The following KAT6A variants were observed in gnomAD, a reference collection of about 807,000 sequenced individuals.
KAT6A encodes histone acetyltransferase KAT6A.
A neutral mutation model predicts 198.4 loss-of-function variants in KAT6A; 9 were observed. The observed-to-expected ratio is 0.05, with a 90% CI of 0.03 to 0.08. The LOEUF (loss-of-function observed/expected upper bound fraction) is 0.08. Among genes scored for constraint, KAT6A ranks in the 10% least tolerant of loss-of-function variants. The pLI is 1.00. For synonymous variants in KAT6A, 890 were observed against 883.0 expected (o/e 1.01, Z -0.14); for missense variants, 2,077 against 2,509.9 (o/e 0.83, Z 3.69).
At chr8:42,018,727 C>T (rs377449848) in intron 2 of KAT6A, among the ~76,000 whole-genome samples, 2 of 151,834 alleles carry the variant, frequency 1.3e-5, no homozygotes, top group African/African-American at 4.8e-5. Context: ...GTTCGAGACC[C>T]GCCTGGCCAA....
chr8:41,997,670 C>T (rs1404289660), intron 2 of KAT6A, among the ~76,000 whole-genome samples: 1 of 152,162 alleles, frequency 6.6e-6, no homozygotes, highest in African/African-American at 2.4e-5. Context: ...CCACCATAAG[C>T]TTCTCTCAAA....
chr8:41,964,603 T>A (rs1351363472), intron 8 of KAT6A, among the ~76,000 whole-genome samples: 2 of 136,778 alleles, frequency 1.5e-5, no homozygotes, highest in African/African-American at 5.5e-5. Context: ...CGGCTAAGCA[T>A]ATGATGCAAA....
intron 2 of KAT6A, among the ~76,000 whole-genome samples, chr8:42,015,901 TAG>T (rs1245874570): frequency 6.6e-6 from 1 of 152,192 alleles, no homozygotes; most frequent in Non-Finnish European, 1.5e-5. Flanking sequence ...ACTCTAGACA[TAG>T]ACTTTTCCAA....
intron 9 of KAT6A, among the ~76,000 whole-genome samples, chr8:41,953,666 G>A (rs1040793236): frequency 3.3e-5 from 5 of 152,070 alleles, no homozygotes; most frequent in African/African-American, 1.2e-4. Flanking sequence ...TAGAGACAGG[G>A]TTTCGCCATG....
At chr8:41,939,490 C>G (rs181067435) in intron 15 of KAT6A, among the ~76,000 whole-genome samples, 35 of 152,300 alleles carry the variant, frequency 2.3e-4, no homozygotes, top group Non-Finnish European at 3.8e-4. Flanking sequence ...CCCGCCTCAG[C>G]CTCCCAAGTA....
At position 42,046,535 on chromosome 8, in the gene KAT6A, A is replaced by C. The variant is rs146808187; in HGVS notation, c.600+1843T>G. ...GACAGAACGAGATTCTGTCTCAAAA[A>C]TAAATAAATAAAAGCAAACAGGTGG... On this transcript the variant is annotated intron_variant, in intron 2 of 16. Coordinates refer to ENST00000265713, the MANE Select transcript of KAT6A (RefSeq NM_006766.5). Among the ~76,000 whole-genome samples, 574 of 152,352 alleles carry C rather than the reference A, an allele frequency of 3.8e-3. 4 individuals carry two copies. Among genetic ancestry groups the C allele is most frequent in the African/African-American group, 0.013 (539 of 41,578 alleles).
At position 41,934,886 on chromosome 8, in the gene KAT6A, A is replaced by C. The variant is rs150642810; in HGVS notation, c.3353-19T>G. On this transcript the variant is annotated intron_variant, in intron 16 of 16. Transcript: ENST00000265713. Reference sequence around the variant, plus strand: ...GGAGTGTCTATACAGGAAGGAAAAAAAACAAAGACAGGTTACAAGGTCTTA... The same window carrying C: ...GGAGTGTCTATACAGGAAGGAAAAACAACAAAGACAGGTTACAAGGTCTTA... 5.8e-6 allele frequency: 9 copies of C among 1,559,292 alleles called. No homozygotes were observed. The East Asian group carries it at 2.0e-4, about 35-fold the overall frequency.
chr8:41,989,260 G>A (rs1824785776), intron 2 of KAT6A, among the ~76,000 whole-genome samples: 2 of 152,152 alleles, frequency 1.3e-5, no homozygotes, highest in African/African-American at 2.4e-5. Context: ...TGTAATCCCA[G>A]CACTTTGGGA....
chr8:42,028,422 G>C (rs1826948708), intron 2 of KAT6A, among the ~76,000 whole-genome samples: 1 of 152,084 alleles, frequency 6.6e-6, no homozygotes, highest in Non-Finnish European at 1.5e-5. Context: ...CCTATATTGG[G>C]TGCGTATATA....
chr8:41,982,621 C>CA (rs2150890398), intron 3 of KAT6A, among the ~76,000 whole-genome samples: 1 of 152,264 alleles, frequency 6.6e-6, no homozygotes, highest in East Asian at 1.9e-4. Context: ...TGCGATCACC[C>CA]ACACTGCATA....
At chr8:41,974,627 C>A in intron 8 of KAT6A, 77 bp downstream of exon 8, 1 of 862,224 alleles carries the variant, frequency 1.2e-6, no homozygotes, top group South Asian at 1.6e-5. Context: ...TACTGCTTAA[C>A]CCACAATGTA....
At chr8:41,958,253 T>C (rs1425389559) in intron 8 of KAT6A, 2 of 152,214 alleles carry the variant, frequency 1.3e-5, no homozygotes, top group East Asian at 1.9e-4. Flanking sequence ...ATCATGTTCG[T>C]GGAGCACCTA....
rs1821487938 is a variant in KAT6A, at chr8:41,930,691, T to C, written c.*1514A>G. 2.9e-5 allele frequency: 2 copies of C among 69,476 alleles called. No individual in the cohort carries two copies. The highest frequency in any genetic ancestry group is 1.4e-4 in the African/African-American group (2 of 13,820). The allele number at this position is 69,476 out of a possible 1,614,324, so 4.3% of individuals were successfully genotyped here. On this transcript the variant is annotated 3_prime_UTR_variant, in exon 17 of 17. Coordinates refer to ENST00000265713, the MANE Select transcript of KAT6A (RefSeq NM_006766.5). ...ATATATATATATATATATGTGTGTGTGTGTGTGTGTGTGTGTGTGTATATA... is the reference window on the plus strand; with the variant it reads ...ATATATATATATATATATGTGTGTGCGTGTGTGTGTGTGTGTGTGTATATA...
intron 2 of KAT6A, among the ~76,000 whole-genome samples, chr8:42,001,065 T>C (rs1277942061): frequency 6.6e-6 from 1 of 152,190 alleles, no homozygotes; most frequent in Non-Finnish European, 1.5e-5. Flanking sequence ...AATGCTCGGT[T>C]TCTATTATTG....
chr8:41,932,656 A>C lies in KAT6A; in HGVS notation c.5564T>G (p.Ile1855Ser). 1 of 1,614,238 alleles carries C rather than the reference A, an allele frequency of 6.2e-7. No homozygotes were observed. Among genetic ancestry groups the C allele is most frequent in the Non-Finnish European group, 8.5e-7 (1 of 1,180,040 alleles). ...LQGQMPVKGH[I>S]SIRSKSAPLP... ...TGGCGCAGACTTGGAGCGGATGGAA[A>C]TGTGCCCCTTCACTGGCATTTGCCC... Residue 1855 changes from isoleucine (I) to serine (S), a missense_variant, in exon 17 of 17, where the codon ATT becomes AGT. Around this residue, in one of 13 missense-constraint regions of KAT6A, gnomAD observed 500 missense variants for 577.2 expected, o/e 0.87. Coordinates refer to ENST00000265713, the MANE Select transcript of KAT6A (RefSeq NM_006766.5).
Position 42,048,577 on chromosome 8 carries a change from A to G in KAT6A, c.401T>C (p.Leu134Ser), listed in dbSNP as rs3824276. 150,886 of 1,614,030 alleles carry G rather than the reference A, an allele frequency of 0.093. 9,179 individuals are homozygous for G. Among genetic ancestry groups the G allele is most frequent in the East Asian group, 0.27 (11,892 of 44,874 alleles). ...FLKGQKDVSA[L>S]FGGSAASGFH... ...GCCAGAGGCAGCACTGCCTCCGAAT[A>G]ATGCAGACACATCCTTCTGACCTTT... The change falls in exon 2 of 17, where the codon TTA becomes TCA. Residue 134 changes from leucine to serine, a missense_variant. Leu to Ser is a moderately radical substitution (Grantham distance 145). Coordinates refer to ENST00000265713, the MANE Select transcript of KAT6A (RefSeq NM_006766.5).
In KAT6A at chr8:41,933,636, C is replaced by G. The variant is rs571343495; in HGVS notation, c.4584G>C (p.Glu1528Asp). Reference sequence around the variant, plus strand: ...AAGGCACATCCATCATGGGGCTGGTCTCCATGTTCTGCATAGAGGGTGCGG... The same window carrying G: ...AAGGCACATCCATCATGGGGCTGGTGTCCATGTTCTGCATAGAGGGTGCGG... ...SLSAPSMQNM[E>D]TSPMMDVPSV... The change falls in exon 17 of 17, where the codon GAG becomes GAC. Residue 1528 changes from glutamate (E) to aspartate (D), a missense_variant. Glu to Asp is a conservative substitution (Grantham distance 45). Coordinates refer to ENST00000265713, the MANE Select transcript of KAT6A (RefSeq NM_006766.5). The surrounding 1 kb of genome is among the most constrained non-coding windows in gnomAD (Gnocchi z 6.2). 6.2e-7 allele frequency: 1 copy of G among 1,614,144 alleles called. No individual in the cohort carries two copies. Among genetic ancestry groups the G allele is most frequent in the East Asian group, 2.2e-5 (1 of 44,880 alleles).
At chr8:42,037,047 T>C (rs1211191592) in intron 2 of KAT6A, among the ~76,000 whole-genome samples, 2 of 152,112 alleles carry the variant, frequency 1.3e-5, no homozygotes, top group Non-Finnish European at 2.9e-5. Context: ...TTCTAAGCAT[T>C]AGAGCAATGG....
intron 8 of KAT6A, among the ~76,000 whole-genome samples, chr8:41,974,202 T>A (rs1223867058): frequency 6.6e-6 from 1 of 151,992 alleles, no homozygotes; most frequent in Non-Finnish European, 1.5e-5. Context: ...CTCAGCCTCC[T>A]AAATAGCTGT....
Sources: allele counts gnomAD v4.1 joint callset (sites outside exome capture counted in the v4.1 genomes callset), GRCh38; gene constraint gnomAD v4.1.1; regional missense constraint gnomAD v4.1.1; non-coding constraint Gnocchi (gnomAD v3.1); transcripts MANE v1.5; gene names NCBI Gene and HGNC (gene_info 2026-07-23, HGNC 2026-07-21).